The following DNAAF11 variants were observed in gnomAD, a reference collection of about 807,000 sequenced individuals.
DNAAF11 encodes the protein dynein axonemal assembly factor 11.
A neutral mutation model predicts 60.8 loss-of-function variants in DNAAF11; 45 were observed. The observed-to-expected ratio is 0.74, with a 90% CI of 0.58 to 0.95. DNAAF11 has a LOEUF of 0.95. DNAAF11 is among the 40% of genes least tolerant of loss of function. DNAAF11 has a pLI of 0.00. For missense variants in DNAAF11, 546 were observed against 546.2 expected, an observed-to-expected ratio of 1.00 and a Z score of 0.00; for synonymous variants, 191 against 183.5, an observed-to-expected ratio of 1.04 and a Z score of -0.33.
At chr8:132,660,224 A>C (rs1277237988) in intron 2 of DNAAF11, among the ~76,000 whole-genome samples, 2 of 150,632 alleles carry the variant, frequency 1.3e-5, no homozygotes, top group Non-Finnish European at 2.9e-5. Flanking sequence ...ATGAGTACTT[A>C]TCTTTTTTTT....
chr8:132,684,336 C>T, the DNAAF11 span, among the ~76,000 whole-genome samples: 1 of 152,224 alleles, frequency 6.6e-6, no homozygotes, highest in Non-Finnish European at 1.5e-5. Context: ...ACTCTCCTAG[C>T]ACCAATGTTT....
chr8:132,694,218 G>C, the DNAAF11 span, among the ~76,000 whole-genome samples: 9 of 152,166 alleles, frequency 5.9e-5, no homozygotes, highest in Admixed American at 2.6e-4. Context: ...AAAGAAATTA[G>C]AGTGGATATA....
At chr8:132,678,753 AAAT>A (rs1430725362), upstream of DNAAF11, among the ~76,000 whole-genome samples, 3 of 150,330 alleles carry the variant, frequency 2.0e-5, no homozygotes, top group Non-Finnish European at 4.4e-5. Flanking sequence ...TTTTATATAA[AAAT>A]AAATTTATAA....
chr8:132,603,113 G>A (rs1338216759), intron 10 of DNAAF11, among the ~76,000 whole-genome samples: 1 of 152,102 alleles, frequency 6.6e-6, no homozygotes, highest in Non-Finnish European at 1.5e-5. Flanking sequence ...TTTTTGTCCA[G>A]AGGACAGTGG....
intron 10 of DNAAF11, among the ~76,000 whole-genome samples, chr8:132,604,421 G>A (rs1021437914): frequency 1.3e-5 from 2 of 152,160 alleles, no homozygotes; most frequent in African/African-American, 2.4e-5. Flanking sequence ...AATATATTTT[G>A]CTGTTCAGTT....
chr8:132,688,243 A>G, the DNAAF11 span, among the ~76,000 whole-genome samples: 88,391 of 151,950 alleles, frequency 0.58, 28,062 homozygotes, highest in African/African-American at 0.86. Context: ...TTTCTCTTTC[A>G]CACTTTAGAT....
At chr8:132,596,179 T>C (rs1188380512) in intron 10 of DNAAF11, among the ~76,000 whole-genome samples, 1 of 152,180 alleles carries the variant, frequency 6.6e-6, no homozygotes, top group Non-Finnish European at 1.5e-5. Context: ...ATGTGGCCCG[T>C]CAATTGGCAG....
At chr8:132,575,497 A>G (rs1299923104) in intron 11 of DNAAF11, among the ~76,000 whole-genome samples, 1 of 152,192 alleles carries the variant, frequency 6.6e-6, no homozygotes, top group Non-Finnish European at 1.5e-5. Context: ...GACATGGTGT[A>G]TGCCCACAAT....
chr8:132,698,935 T>C, the DNAAF11 span, among the ~76,000 whole-genome samples: 2 of 103,806 alleles, frequency 1.9e-5, no homozygotes, highest in Admixed American at 1.7e-4. Context: ...TATATATGTA[T>C]ACATATATAT....
chr8:132,632,731 T>C lies in DNAAF11; in HGVS notation c.653+9A>G, dbSNP rs373550397. 8.2e-6 allele frequency: 13 copies of C among 1,588,912 alleles called. No homozygotes were observed. Among genetic ancestry groups the C allele is most frequent in the Non-Finnish European group, 1.0e-5 (12 of 1,157,982 alleles). On this transcript the variant is annotated intron_variant, in intron 5 of 11. Transcript: ENST00000620350. ...AGTTAACTAGAAAGTAAACTAATAATTTACATACAGAGTAGCATTGATGTC... is the reference window on the plus strand; with the variant it reads ...AGTTAACTAGAAAGTAAACTAATAACTTACATACAGAGTAGCATTGATGTC...
intron 3 of DNAAF11, among the ~76,000 whole-genome samples, chr8:132,649,907 T>C (rs1822826676): frequency 6.6e-6 from 1 of 152,194 alleles, no homozygotes; most frequent in Non-Finnish European, 1.5e-5. Context: ...GGAACACTTC[T>C]ACACTGTTAG....
intron 10 of DNAAF11, among the ~76,000 whole-genome samples, chr8:132,604,328 T>G (rs897494674): frequency 3.9e-5 from 6 of 152,186 alleles, no homozygotes; most frequent in African/African-American, 1.4e-4. Context: ...GTATGGTCTG[T>G]ATTATTGACC....
At chr8:132,608,115 G>A (rs2129903976) in intron 10 of DNAAF11, among the ~76,000 whole-genome samples, 1 of 152,064 alleles carries the variant, frequency 6.6e-6, no homozygotes, top group Non-Finnish European at 1.5e-5. Context: ...TTAACTTTTG[G>A]TGGTTTTTAA....
intron 10 of DNAAF11, among the ~76,000 whole-genome samples, chr8:132,587,774 T>C (rs565216215): frequency 3.3e-5 from 5 of 152,178 alleles, no homozygotes; most frequent in African/African-American, 4.8e-5. Flanking sequence ...AGGAACAAAT[T>C]AACATTTTAA....
At chr8:132,608,958 C>A (rs1474608286) in intron 10 of DNAAF11, among the ~76,000 whole-genome samples, 1 of 152,142 alleles carries the variant, frequency 6.6e-6, no homozygotes, top group African/African-American at 2.4e-5. Context: ...TTACAGAAAT[C>A]TTTTTGGTTA....
the DNAAF11 span, among the ~76,000 whole-genome samples, chr8:132,697,367 C>T: frequency 6.6e-6 from 1 of 152,096 alleles, no homozygotes; most frequent in Admixed American, 6.6e-5. Flanking sequence ...AAAATAATCC[C>T]AGCACTTTGG....
At chr8:132,575,061 C>CTAGGTAA (rs1203007330) in intron 11 of DNAAF11, among the ~76,000 whole-genome samples, 1 of 152,178 alleles carries the variant, frequency 6.6e-6, no homozygotes, top group Non-Finnish European at 1.5e-5. Context: ...CCACAACCTG[C>CTAGGTAA]TAGGCCCTCT....
intron 3 of DNAAF11, 134 bp from the exon 4 acceptor site, chr8:132,638,241 T>C (rs564571063): frequency 1.6e-6 from 1 of 640,692 alleles, no homozygotes; most frequent in African/African-American, 1.8e-5. Flanking sequence ...TTGCTCACCA[T>C]GAAGTGATTC....
the DNAAF11 span, among the ~76,000 whole-genome samples, chr8:132,691,791 C>A: frequency 2.0e-5 from 3 of 152,080 alleles, no homozygotes; most frequent in African/African-American, 7.2e-5. Flanking sequence ...CCCTAAACAC[C>A]TGGGGATTAC....
Sources: gnomAD v4.1 joint callset for allele counts (sites outside exome capture counted in the v4.1 genomes callset) on GRCh38, gnomAD v4.1.1 for gene constraint, MANE v1.5 for transcripts, NCBI Gene and HGNC (gene_info 2026-07-23, HGNC 2026-07-21) for gene names.